NUBPL: variants seen among roughly 807,000 people sequenced by gnomAD.
NUBPL encodes the protein NUBP iron-sulfur cluster assembly factor, mitochondrial.
Under a neutral mutation model 45.7 loss-of-function variants are expected in NUBPL, and 31 were observed. That is an observed-to-expected ratio of 0.68 (90% CI 0.51 to 0.92). NUBPL has a LOEUF of 0.92. NUBPL is among the 40% of genes least tolerant of loss of function. NUBPL has a pLI of 0.00. For missense variants in NUBPL, 401 were observed against 398.7 expected (o/e 1.01, Z -0.05); for synonymous variants, 144 against 140.9 (o/e 1.02, Z -0.15).
intron 4 of NUBPL, among the ~76,000 whole-genome samples, chr14:31,621,083 G>A (rs1199767381): frequency 1.3e-5 from 2 of 152,206 alleles, no homozygotes; most frequent in Non-Finnish European, 2.9e-5. Flanking sequence ...TTTACACTGT[G>A]AGGGTAAAAC....
intron 4 of NUBPL, among the ~76,000 whole-genome samples, chr14:31,666,404 G>A (rs1159043286): frequency 6.6e-6 from 1 of 151,400 alleles, no homozygotes; most frequent in African/African-American, 2.4e-5. Flanking sequence ...AGCTGGGACT[G>A]CAGGTATGCA....
intron 8 of NUBPL, among the ~76,000 whole-genome samples, chr14:31,835,071 A>G (rs74579229): frequency 0.099 from 15,124 of 152,136 alleles, 965 homozygotes; most frequent in Non-Finnish European, 0.15. Context: ...GGAGTTAAGG[A>G]GCCATAGGTT....
intron 4 of NUBPL, among the ~76,000 whole-genome samples, chr14:31,623,055 ACTC>A (rs1566454868): frequency 6.6e-6 from 1 of 152,188 alleles, no homozygotes; most frequent in East Asian, 1.9e-4. Flanking sequence ...GAGCTGCCCA[ACTC>A]CTCGGGAGCC....
chr14:31,765,406 A>G (rs2038894029), intron 6 of NUBPL, among the ~76,000 whole-genome samples: 1 of 152,224 alleles, frequency 6.6e-6, no homozygotes, highest in South Asian at 2.1e-4. Flanking sequence ...AAGTGTAAAC[A>G]TGGTACACTC....
chr14:31,585,758 TGTG>T (rs1205807570), intron 3 of NUBPL, among the ~76,000 whole-genome samples: 1 of 152,234 alleles, frequency 6.6e-6, no homozygotes, highest in Non-Finnish European at 1.5e-5. Flanking sequence ...AGGGTTATCT[TGTG>T]GTTTGATTTG....
At chr14:31,657,328 T>C (rs566837400) in intron 4 of NUBPL, among the ~76,000 whole-genome samples, 56 of 152,336 alleles carry the variant, frequency 3.7e-4, no homozygotes, top group African/African-American at 1.3e-3. Flanking sequence ...AAATCTCTAG[T>C]GTAACTAAAT....
chr14:31,836,359 A>T (rs906097861), intron 8 of NUBPL, among the ~76,000 whole-genome samples: 2 of 152,170 alleles, frequency 1.3e-5, no homozygotes, highest in Non-Finnish European at 1.5e-5. Context: ...GCATGCTTAC[A>T]GCTGTATCTC....
At chr14:31,783,732 G>T (rs2039235309) in intron 6 of NUBPL, among the ~76,000 whole-genome samples, 1 of 152,094 alleles carries the variant, frequency 6.6e-6, no homozygotes, top group Admixed American at 6.6e-5. Context: ...TGGCTAGGCT[G>T]GTCTCAAACT....
chr14:31,752,136 CATT>C (rs915885039), intron 6 of NUBPL, among the ~76,000 whole-genome samples: 1 of 152,220 alleles, frequency 6.6e-6, no homozygotes, highest in Non-Finnish European at 1.5e-5. Flanking sequence ...ACATTCTCCC[CATT>C]GTCTTGGTGA....
intron 4 of NUBPL, among the ~76,000 whole-genome samples, chr14:31,645,467 G>A (rs1362132626): frequency 6.6e-6 from 1 of 152,108 alleles, no homozygotes; most frequent in Non-Finnish European, 1.5e-5. Context: ...TTTACATTCA[G>A]TGTTTTCATT....
chr14:31,763,243 G>A (rs996072456), intron 6 of NUBPL, among the ~76,000 whole-genome samples: 4 of 152,134 alleles, frequency 2.6e-5, no homozygotes, highest in African/African-American at 9.7e-5. Flanking sequence ...GATTGCCTCT[G>A]TGTTTATCAA....
At chr14:31,688,816 G>A (rs933405257) in intron 6 of NUBPL, among the ~76,000 whole-genome samples, 23 of 151,460 alleles carry the variant, frequency 1.5e-4, no homozygotes, top group Admixed American at 5.3e-4. Flanking sequence ...CCCTCCTCCC[G>A]CCCTCCACCC....
chr14:31,802,510 T>A (rs1453690468), intron 7 of NUBPL, among the ~76,000 whole-genome samples: 2 of 152,092 alleles, frequency 1.3e-5, no homozygotes, highest in East Asian at 3.9e-4. Context: ...TCTCCTGACC[T>A]CGTGATCCAC....
chr14:31,715,020 GTC>G (rs1389060938), intron 6 of NUBPL, among the ~76,000 whole-genome samples: 1 of 152,116 alleles, frequency 6.6e-6, no homozygotes, highest in Non-Finnish European at 1.5e-5. Flanking sequence ...TACTAAATCA[GTC>G]TCTCACTCCC....
In NUBPL at chr14:31,783,955, G is replaced by A. The variant is rs7161628; in HGVS notation, c.514-3825G>A. 1.7e-4 allele frequency among the ~76,000 whole-genome samples: 26 copies of A among 152,240 alleles called. No homozygotes were observed. The East Asian group carries it at 4.6e-3, about 27-fold the overall frequency. On this transcript the variant is annotated intron_variant, in intron 6 of 10. Transcript: ENST00000281081. Reference sequence around the variant, plus strand: ...AAACCCAGAGACGTGTCAGTCTGCCGGTGCTAGGAGTTTTAGTGCCAAGAA... The same window carrying A: ...AAACCCAGAGACGTGTCAGTCTGCCAGTGCTAGGAGTTTTAGTGCCAAGAA...
At chr14:31,654,148 A>G (rs956522743) in intron 4 of NUBPL, 1 of 452,574 alleles carries the variant, frequency 2.2e-6, no homozygotes, top group African/African-American at 2.0e-5. Flanking sequence ...AGCAACATGA[A>G]TTTTTTGGTT....
chr14:31,749,178 A>T lies in NUBPL; in HGVS notation c.514-38602A>T, dbSNP rs371651130. 4.6e-5 allele frequency among the ~76,000 whole-genome samples: 7 copies of T among 152,136 alleles called. No homozygotes were observed. In the South Asian group the frequency reaches 8.3e-4, roughly 18 times the overall value. On this transcript the variant is annotated intron_variant, in intron 6 of 10. Coordinates refer to ENST00000281081, the MANE Select transcript of NUBPL (RefSeq NM_025152.3). ...CTGTTATATTATTGATTGTTTTTTG[A>T]TTGTTTTGAATTTCCTTTGTTCTCT...
chr14:31,668,400 G>A (rs1156241172), intron 4 of NUBPL, among the ~76,000 whole-genome samples: 2 of 152,116 alleles, frequency 1.3e-5, no homozygotes, highest in African/African-American at 4.8e-5. Context: ...ATTGGTTGAC[G>A]CCCCTCTCCG....
At chr14:31,602,135 A>C (rs150971059) in intron 4 of NUBPL, among the ~76,000 whole-genome samples, 7,338 of 152,172 alleles carry the variant, frequency 0.048, 220 homozygotes, top group Admixed American at 0.066. Context: ...AAACTATCGC[A>C]AGGACAAAAA....
Sources: gnomAD v4.1 joint callset for allele counts (sites outside exome capture counted in the v4.1 genomes callset) on GRCh38, gnomAD v4.1.1 for gene constraint, MANE v1.5 for transcripts, NCBI Gene and HGNC (gene_info 2026-07-23, HGNC 2026-07-21) for gene names.